The following IRS1 variants were observed in gnomAD, a reference collection of about 807,000 sequenced individuals.
IRS1 encodes the protein insulin receptor substrate 1.
IRS1 carries 34 observed loss-of-function variants against 65.6 expected under a neutral mutation model. The observed-to-expected ratio is 0.52, with a 90% CI of 0.39 to 0.69. The LOEUF (loss-of-function observed/expected upper bound fraction) is 0.69, where lower values mean the gene tolerates loss of function less well. Among genes scored for constraint, IRS1 ranks in the 30% least tolerant of loss-of-function variants. The pLI is 0.00. For missense variants in IRS1, 1,641 were observed against 1,720.2 expected (o/e 0.95, Z 0.81); for synonymous variants, 699 against 683.5 (o/e 1.02, Z -0.35).
Position 226,797,450 on chromosome 2 carries a change from T to C in IRS1, c.1289A>G (p.Glu430Gly). ...GAAATCGCAGGGACTGGAGCCATAC[T>C]CATCCGAGGAGATGAAACCGCCATC... ...PSDGGFISSD[E>G]YGSSPCDFRS... Residue 430 changes from glutamate (E) to glycine (G), a missense_variant, in exon 1 of 2, where the codon GAG (glutamate) becomes GGG (glycine). Glu to Gly is a moderately conservative substitution (Grantham distance 98). This residue lies in a region of IRS1 where 1,324 missense variants were observed against 1,361.0 expected (regional missense o/e 0.97). Transcript: ENST00000305123. The surrounding 1 kb of genome is among the most constrained non-coding windows in gnomAD (Gnocchi z 8.1). The C allele has an allele frequency of 6.2e-7, 1 of 1,613,526 alleles. No individual in the cohort carries two copies. The highest frequency in any genetic ancestry group is 8.5e-7 in the Non-Finnish European group (1 of 1,179,958).
intron 1 of IRS1, among the ~76,000 whole-genome samples, chr2:226,756,068 A>G (rs1056422854): frequency 2.0e-5 from 3 of 152,244 alleles, no homozygotes; most frequent in Non-Finnish European, 4.4e-5. Flanking sequence ...TCTAAGAAGG[A>G]TCTAAGTTTT....
At chr2:226,784,971 T>C (rs961266825) in intron 1 of IRS1, among the ~76,000 whole-genome samples, 7 of 152,196 alleles carry the variant, frequency 4.6e-5, no homozygotes, top group Non-Finnish European at 7.3e-5. Context: ...TTAATAACTT[T>C]GGAGAAAATA....
At chr2:226,746,003 C>G (rs1467353251) in intron 1 of IRS1, among the ~76,000 whole-genome samples, 1 of 152,062 alleles carries the variant, frequency 6.6e-6, no homozygotes, top group African/African-American at 2.4e-5. Flanking sequence ...ATACAAGGAC[C>G]TGTCTACCTA....
At chr2:226,744,964 AC>A (rs1197759774) in intron 1 of IRS1, among the ~76,000 whole-genome samples, 1 of 152,208 alleles carries the variant, frequency 6.6e-6, no homozygotes, top group Non-Finnish European at 1.5e-5. Context: ...AAGTGGTCTA[AC>A]TATTGAAGAA....
intron 1 of IRS1, among the ~76,000 whole-genome samples, chr2:226,765,484 TGGGGAA>T (rs1481543508): frequency 6.6e-6 from 1 of 152,178 alleles, no homozygotes; most frequent in Non-Finnish European, 1.5e-5. Flanking sequence ...CGGGGCCCTG[TGGGGAA>T]TCGCCAACTT....
At chr2:226,759,964 CAGGCGTTTG>C (rs1157573633) in intron 1 of IRS1, among the ~76,000 whole-genome samples, 1 of 152,148 alleles carries the variant, frequency 6.6e-6, no homozygotes, top group Non-Finnish European at 1.5e-5. Flanking sequence ...CGCTTGAGCT[CAGGCGTTTG>C]AGACCAGCCT....
chr2:226,739,412 C>T (rs958829557), intron 1 of IRS1, among the ~76,000 whole-genome samples: 36 of 152,274 alleles, frequency 2.4e-4, no homozygotes, highest in African/African-American at 8.4e-4. Flanking sequence ...TTGTTTGCAG[C>T]ATTTTTGGAA....
chr2:226,752,157 C>A (rs932793709), intron 1 of IRS1, among the ~76,000 whole-genome samples: 3 of 152,106 alleles, frequency 2.0e-5, no homozygotes, highest in Non-Finnish European at 2.9e-5. Context: ...TAGCTCATTC[C>A]CAGAACCGTA....
intron 1 of IRS1, among the ~76,000 whole-genome samples, chr2:226,751,988 G>A (rs1938694219): frequency 6.6e-6 from 1 of 152,118 alleles, no homozygotes; most frequent in Non-Finnish European, 1.5e-5. Context: ...AAATAAATGA[G>A]TAGAACTGAT....
At chr2:226,741,036 G>A (rs1442191055) in intron 1 of IRS1, among the ~76,000 whole-genome samples, 3 of 151,920 alleles carry the variant, frequency 2.0e-5, no homozygotes. Flanking sequence ...TACAGAAAAT[G>A]TATAAAATAC....
chr2:226,741,817 AC>A (rs879631110), intron 1 of IRS1, among the ~76,000 whole-genome samples: 7,764 of 148,810 alleles, frequency 0.052, 364 homozygotes, highest in East Asian at 0.18. Context: ...ACACACACAC[AC>A]ACACACACAT....
chr2:226,778,322 G>A (rs1353883821), intron 1 of IRS1, among the ~76,000 whole-genome samples: 1 of 152,074 alleles, frequency 6.6e-6, no homozygotes, highest in Non-Finnish European at 1.5e-5. Context: ...ATTTAAGTTA[G>A]CGATAAAGGA....
At chr2:226,787,783 A>G (rs1237289852) in intron 1 of IRS1, among the ~76,000 whole-genome samples, 1 of 152,214 alleles carries the variant, frequency 6.6e-6, no homozygotes, top group Non-Finnish European at 1.5e-5. Flanking sequence ...TTTCATATCC[A>G]TAGAGCCCTC....
chr2:226,786,489 G>A (rs1320689700), intron 1 of IRS1, among the ~76,000 whole-genome samples: 3 of 152,050 alleles, frequency 2.0e-5, no homozygotes, highest in African/African-American at 7.2e-5. Flanking sequence ...ACTTGGAGCA[G>A]TTGGGCATTT....
In IRS1 at chr2:226,799,788, G is replaced by C. The variant is rs923087064; in HGVS notation, c.-1050C>G. ...CACTCGGAGGAGAAAAACACGTGAC[G>C]GAGCCTCCGCGCTCGGCAGCCGGGC... On this transcript the variant is annotated 5_prime_UTR_variant, in exon 1 of 2. Transcript: ENST00000305123. This position sits in a 1 kb window ranked among gnomAD's most constrained non-coding sequence, Gnocchi z 6.1. The C allele has an allele frequency of 6.0e-6, 6 of 993,052 alleles. No individual in the cohort carries two copies. The highest frequency in any genetic ancestry group is 4.7e-5 in the South Asian group (1 of 21,280). The allele number at this position is 993,052 out of a possible 1,614,324, so 61.5% of individuals were successfully genotyped here.
At chr2:226,790,303 G>A (rs1403436106) in intron 1 of IRS1, among the ~76,000 whole-genome samples, 1 of 150,932 alleles carries the variant, frequency 6.6e-6, no homozygotes, top group African/African-American at 2.4e-5. Flanking sequence ...ATTTAAGATA[G>A]CACAAAGCTA....
intron 1 of IRS1, among the ~76,000 whole-genome samples, chr2:226,755,097 G>C (rs1938767558): frequency 6.6e-6 from 1 of 152,198 alleles, no homozygotes; most frequent in Admixed American, 6.5e-5. Context: ...TGGTAGGCAT[G>C]GGGATATTTT....
chr2:226,784,131 G>A (rs925706798), intron 1 of IRS1, among the ~76,000 whole-genome samples: 6 of 152,070 alleles, frequency 3.9e-5, no homozygotes, highest in Non-Finnish European at 8.8e-5. Context: ...ACACAGAATT[G>A]TGACCTAGTA....
Position 226,799,747 on chromosome 2 carries a change from G to T in IRS1, c.-1009C>A. ...CTGGCTCTGCGCGCCGGCCCCCTCC[G>T]ACCGCGCCGCCGTCTCACTCGGAGG... On this transcript the variant is annotated 5_prime_UTR_variant, in exon 1 of 2. Transcript: ENST00000305123. This position sits in a 1 kb window ranked among gnomAD's most constrained non-coding sequence, Gnocchi z 6.1. The T allele has an allele frequency of 1.0e-6, 1 of 998,882 alleles. No homozygotes were observed. The allele number at this position is 998,882 out of a possible 1,614,324, so 61.9% of individuals were successfully genotyped here. A position where few individuals can be genotyped will look rare whatever the true frequency, so the allele number is the denominator to read the frequency against.
Sources: allele counts gnomAD v4.1 joint callset (sites outside exome capture counted in the v4.1 genomes callset), GRCh38; gene constraint gnomAD v4.1.1; regional missense constraint gnomAD v4.1.1; non-coding constraint Gnocchi (gnomAD v3.1); transcripts MANE v1.5; gene names NCBI Gene and HGNC (gene_info 2026-07-23, HGNC 2026-07-21).